SLC41A3: variants seen among roughly 807,000 people sequenced by gnomAD.
The protein encoded by SLC41A3 is solute carrier family 41 member 3.
In SLC41A3, 44 loss-of-function variants were observed where a neutral mutation model predicts 45.4. The ratio of observed to expected loss-of-function variants is 0.97; its 90% confidence interval spans 0.76 to 1.25. The LOEUF (loss-of-function observed/expected upper bound fraction) is 1.25, where lower values mean the gene tolerates loss of function less well. SLC41A3 is among the 50% of genes most tolerant of loss of function. The probability of loss-of-function intolerance (pLI) is 0.00; values close to 1 mark genes in which losing one functional copy is unlikely to be tolerated. For synonymous variants in SLC41A3, 256 were observed against 252.4 expected, an observed-to-expected ratio of 1.01 and a Z score of -0.13; for missense variants, 550 against 600.6, an observed-to-expected ratio of 0.92 and a Z score of 0.88.
intron 7 of SLC41A3, 100 bp from the exon 8 acceptor site, chr3:126,015,673 C>T: frequency 8.4e-7 from 1 of 1,188,858 alleles, no homozygotes; most frequent in Non-Finnish European, 1.2e-6. Flanking sequence ...GCTTCCCATC[C>T]TTGGCTGTCA....
intron 2 of SLC41A3, among the ~76,000 whole-genome samples, chr3:126,059,236 AAAG>A (rs1553740683): frequency 4.2e-4 from 1 of 2,376 alleles, no homozygotes; most frequent in Non-Finnish European, 2.8e-3. Flanking sequence ...AAAGAAAGAG[AAAG>A]AAAGAAAGAA....
chr3:126,071,134 G>C (rs1356651029), intron 1 of SLC41A3, among the ~76,000 whole-genome samples: 2 of 152,146 alleles, frequency 1.3e-5, no homozygotes, highest in African/African-American at 2.4e-5. Context: ...CAAAATGGCA[G>C]ACATAAATCC....
intron 2 of SLC41A3, chr3:126,058,005 T>A (rs561181728): frequency 2.2e-4 from 34 of 152,264 alleles, no homozygotes; most frequent in African/African-American, 8.2e-4. Flanking sequence ...CTATGTCCTA[T>A]CTCTTGGGCT....
At chr3:126,007,278 C>T in intron 10 of SLC41A3, 53 bp from the exon 11 acceptor site, 2 of 1,580,770 alleles carry the variant, frequency 1.3e-6, no homozygotes, top group Non-Finnish European at 1.7e-6. Flanking sequence ...AAGTCAAGTA[C>T]AGGCAGGAAG....
At chr3:126,038,477 T>C (rs1428965362) in intron 3 of SLC41A3, among the ~76,000 whole-genome samples, 1 of 152,210 alleles carries the variant, frequency 6.6e-6, no homozygotes, top group African/African-American at 2.4e-5. Context: ...ACGCAGGACA[T>C]GGAGTCAAGG....
intron 2 of SLC41A3, chr3:126,056,608 A>G: frequency 6.4e-7 from 1 of 1,566,436 alleles, no homozygotes; most frequent in East Asian, 2.3e-5. Context: ...GGGGTGCTCC[A>G]GTCCTCTCCT....
At position 126,016,888 on chromosome 3, in the gene SLC41A3, C is replaced by A. The variant is rs752665168; in HGVS notation, c.746-13G>T. ...AGATACCGACTATCTGAAAGGAGAA[C>A]AGGGACACACGCAGCTCATGTGGCC... On this transcript the variant is annotated splice_polypyrimidine_tract_variant and intron_variant, in intron 6 of 10. Coordinates refer to ENST00000360370, the MANE Select transcript of SLC41A3 (RefSeq NM_017836.4). 1 of 1,609,218 alleles carries A rather than the reference C, an allele frequency of 6.2e-7. No individual in the cohort carries two copies. Among genetic ancestry groups the A allele is most frequent in the Non-Finnish European group, 8.5e-7 (1 of 1,179,482 alleles).
At chr3:126,011,375 G>T (rs1409916086) in intron 9 of SLC41A3, among the ~76,000 whole-genome samples, 1 of 152,140 alleles carries the variant, frequency 6.6e-6, no homozygotes, top group Non-Finnish European at 1.5e-5. Flanking sequence ...AGTCAACTTG[G>T]AGAAAAAAGT....
At chr3:126,054,462 C>G (rs979183411) in intron 2 of SLC41A3, among the ~76,000 whole-genome samples, 2 of 152,188 alleles carry the variant, frequency 1.3e-5, no homozygotes, top group Admixed American at 1.3e-4. Context: ...ACCTGCTACA[C>G]TCAGTGCACG....
rs183723680 is a variant in SLC41A3, at chr3:126,058,605, C to G, written c.274-7555G>C. 6.6e-5 allele frequency among the ~76,000 whole-genome samples: 10 copies of G among 152,318 alleles called. No homozygotes were observed. The East Asian group carries it at 1.7e-3, about 26-fold the overall frequency. On this transcript the variant is annotated intron_variant, in intron 2 of 10. Transcript: ENST00000360370. Reference sequence around the variant, plus strand: ...CCACAGACGCTGCCTTCACCACGGCCCTTTGTCCCTCTAATCTGTCTCCTC... The same window carrying G: ...CCACAGACGCTGCCTTCACCACGGCGCTTTGTCCCTCTAATCTGTCTCCTC...
At chr3:126,052,337 G>A (rs1250167726) in intron 2 of SLC41A3, among the ~76,000 whole-genome samples, 1 of 152,052 alleles carries the variant, frequency 6.6e-6, no homozygotes, top group Admixed American at 6.6e-5. Flanking sequence ...GTACTCCCCA[G>A]CTGGCCTTTG....
chr3:126,073,120 G>C (rs1191451771), intron 1 of SLC41A3: 5 of 152,210 alleles, frequency 3.3e-5, no homozygotes, highest in Non-Finnish European at 5.9e-5. Context: ...TGAGAACAGA[G>C]GGTGAGAGGA....
At position 126,032,023 on chromosome 3, in the gene SLC41A3, G is replaced by A. The variant is rs565233472; in HGVS notation, c.453+1584C>T. ...GCAGAAAGAGATACACCTGGTGTTA[G>A]GTAGGAACTTACACCTGAGTGGAGC... On this transcript the variant is annotated intron_variant, in intron 4 of 10. Coordinates refer to ENST00000360370, the MANE Select transcript of SLC41A3 (RefSeq NM_017836.4). Among the ~76,000 whole-genome samples the A allele has an allele frequency of 2.0e-5, 3 of 152,366 alleles. 1 individual carries two copies. In the South Asian group the frequency reaches 6.2e-4, roughly 32 times the overall value.
chr3:126,073,589 A>T (rs1226772903), intron 1 of SLC41A3, among the ~76,000 whole-genome samples: 1 of 152,228 alleles, frequency 6.6e-6, no homozygotes, highest in Non-Finnish European at 1.5e-5. Context: ...AAACGTTAAA[A>T]AATAAATAAA....
intron 1 of SLC41A3, among the ~76,000 whole-genome samples, chr3:126,075,259 T>A (rs1489249366): frequency 6.6e-6 from 1 of 152,204 alleles, no homozygotes; most frequent in Non-Finnish European, 1.5e-5. Flanking sequence ...TTTATTTTTA[T>A]ACACTAATAA....
At chr3:126,097,673 C>A (rs1309360760) in intron 1 of SLC41A3, among the ~76,000 whole-genome samples, 1 of 152,090 alleles carries the variant, frequency 6.6e-6, no homozygotes, top group East Asian at 1.9e-4. Context: ...GTTATGGGTA[C>A]AAGACACTAT....
intron 2 of SLC41A3, among the ~76,000 whole-genome samples, chr3:126,056,142 C>T (rs2107930136): frequency 6.6e-6 from 1 of 152,262 alleles, no homozygotes; most frequent in Non-Finnish European, 1.5e-5. Flanking sequence ...TGACAAACCT[C>T]CATCATTCTG....
chr3:126,011,414 G>A (rs950534075), intron 9 of SLC41A3, among the ~76,000 whole-genome samples: 1 of 152,180 alleles, frequency 6.6e-6, no homozygotes, highest in Non-Finnish European at 1.5e-5. Context: ...TAAACAAGGA[G>A]AGTAATAGAC....
At chr3:126,070,916 G>A (rs980084417) in intron 1 of SLC41A3, among the ~76,000 whole-genome samples, 1 of 151,784 alleles carries the variant, frequency 6.6e-6, no homozygotes, top group Non-Finnish European at 1.5e-5. Context: ...CATAAATCAA[G>A]TTGGAATTAA....
Sources: allele counts gnomAD v4.1 joint callset (sites outside exome capture counted in the v4.1 genomes callset), GRCh38; gene constraint gnomAD v4.1.1; transcripts MANE v1.5; gene names NCBI Gene and HGNC (gene_info 2026-07-23, HGNC 2026-07-21).